The following NHS variants were observed in gnomAD, a reference collection of about 807,000 sequenced individuals.
NHS encodes the protein actin remodeling regulator NHS.
NHS carries 5 observed loss-of-function variants against 72.5 expected under a neutral mutation model. The ratio of observed to expected loss-of-function variants is 0.07; its 90% CI spans 0.04 to 0.14. The LOEUF is 0.14. NHS is among the 10% of genes least tolerant of loss of function. NHS has a pLI of 1.00. For synonymous variants in NHS, 464 were observed against 547.7 expected (o/e 0.85, Z 2.13); for missense variants, 1,072 against 1,355.7 (o/e 0.79, Z 3.29).
chrX:17,471,726 G>A (rs937394672), intron 1 of NHS, among the ~76,000 whole-genome samples: 3 of 112,182 alleles, frequency 2.7e-5, no homozygotes, highest in African/African-American at 6.5e-5. Flanking sequence ...AGTGAAATCC[G>A]TGTTAGAATA....
chrX:17,377,274 C>T (rs2064351769), intron 1 of NHS, among the ~76,000 whole-genome samples: 1 of 112,467 alleles, frequency 8.9e-6, no homozygotes, highest in Non-Finnish European at 1.9e-5. Context: ...TTTACGACAC[C>T]CAAGGGCTCC....
At chrX:17,632,588 G>A (rs1351960056) in intron 1 of NHS, among the ~76,000 whole-genome samples, 1 of 95,680 alleles carries the variant, frequency 1.0e-5, no homozygotes, top group African/African-American at 5.1e-5. Context: ...GGCTTCATCA[G>A]TGATTAAAAA....
rs1201975125 is a variant in NHS, at chrX:17,462,220, AGTACTAT to A, written c.565+85899_565+85905del. 4.5e-5 allele frequency among the ~76,000 whole-genome samples: 5 copies of A among 111,769 alleles called. No homozygotes were observed. In the East Asian group the frequency reaches 1.4e-3, roughly 32 times the overall value. ...GTTTACAGAGTGTAGGTACTATTTAAGTACTATATATATATTCATTTAAGCCATACAA... is the reference window on the plus strand; with the variant it reads ...GTTTACAGAGTGTAGGTACTATTTAAATATATATTCATTTAAGCCATACAA... On this transcript the variant is annotated intron_variant, in intron 1 of 8. Coordinates refer to ENST00000676302, the MANE Select transcript of NHS (RefSeq NM_001291867.2).
intron 1 of NHS, among the ~76,000 whole-genome samples, chrX:17,555,784 A>G (rs756931286): frequency 9.0e-6 from 1 of 110,797 alleles, no homozygotes; most frequent in East Asian, 2.9e-4. Flanking sequence ...TCCCTCCTCC[A>G]CCCACCCCCA....
At chrX:17,663,168 A>G (rs142347877) in intron 1 of NHS, among the ~76,000 whole-genome samples, 2,654 of 111,696 alleles carry the variant, frequency 0.024, 71 homozygotes, top group African/African-American at 0.077. Flanking sequence ...ATAATGACAC[A>G]ACACAGTAGC....
At chrX:17,574,841 C>T (rs764668052) in intron 1 of NHS, among the ~76,000 whole-genome samples, 24 of 111,534 alleles carry the variant, frequency 2.2e-4, no homozygotes, top group Non-Finnish European at 2.8e-4. Context: ...GAACCAACCT[C>T]CCTGTTCTAA....
At chrX:17,720,003 C>T (rs2066396548) in intron 4 of NHS, among the ~76,000 whole-genome samples, 1 of 111,442 alleles carries the variant, frequency 9.0e-6, no homozygotes, top group Non-Finnish European at 1.9e-5. Context: ...TCTCTGTATG[C>T]ACCAAACTTT....
chrX:17,537,543 C>G (rs766053374), intron 1 of NHS, among the ~76,000 whole-genome samples: 2 of 112,431 alleles, frequency 1.8e-5, no homozygotes, highest in African/African-American at 6.5e-5. Context: ...AGGTGAATTT[C>G]TGTAAAAGGA....
chrX:17,454,815 A>G (rs761684456), intron 1 of NHS, among the ~76,000 whole-genome samples: 6 of 112,105 alleles, frequency 5.4e-5, no homozygotes, highest in Non-Finnish European at 9.4e-5. Context: ...CTTCATGTCA[A>G]TTTCTTCTTG....
chrX:17,454,659 T>G (rs376307722), intron 1 of NHS, among the ~76,000 whole-genome samples: 11 of 112,415 alleles, frequency 9.8e-5, no homozygotes, highest in African/African-American at 2.9e-4. Flanking sequence ...CACTTCAGTT[T>G]ATTCATCTGT....
chrX:17,429,732 G>T (rs1286236441), intron 1 of NHS, among the ~76,000 whole-genome samples: 1 of 111,446 alleles, frequency 9.0e-6, no homozygotes, highest in African/African-American at 3.3e-5. Flanking sequence ...GTAAATTGTT[G>T]ACTCTGATCC....
chrX:17,724,200 C>T, intron 5 of NHS, 99 bp from the exon 6 acceptor site: 1 of 1,096,953 alleles, frequency 9.1e-7, no homozygotes. Flanking sequence ...TTAACCCAAA[C>T]TCTTTCCTTA....
At chrX:17,433,766 T>C (rs1425260588) in intron 1 of NHS, among the ~76,000 whole-genome samples, 1 of 111,740 alleles carries the variant, frequency 8.9e-6, no homozygotes, top group Non-Finnish European at 1.9e-5. Context: ...GAATATGGAG[T>C]GGTTCAAGGT....
chrX:17,461,614 A>G (rs1287072216), intron 1 of NHS, among the ~76,000 whole-genome samples: 2 of 112,954 alleles, frequency 1.8e-5, no homozygotes, highest in Non-Finnish European at 3.7e-5. Context: ...TACATGTTAG[A>G]CTCTACAAGG....
Position 17,687,779 on chromosome X carries a change from G to A in NHS, c.603G>A (p.Val201=), listed in dbSNP as rs1462166485. The A allele has an allele frequency of 8.3e-7, 1 of 1,211,803 alleles. No homozygotes were observed. ...TGGACATAGAGAGTAAGCTGAGTGTGTACTACCGCGCCCCGTGGCACCAGC... is the reference window on the plus strand; with the variant it reads ...TGGACATAGAGAGTAAGCTGAGTGTATACTACCGCGCCCCGTGGCACCAGC... The part of the protein sequence containing the change: ...SNLDIESKLS[V]YYRAPWHQQR... The change falls in exon 2 of 9, where the codon GTG becomes GTA. Residue 201 remains valine, a synonymous_variant. Coordinates refer to ENST00000676302, the MANE Select transcript of NHS (RefSeq NM_001291867.2).
chrX:17,381,793 A>G (rs949426518), intron 1 of NHS, among the ~76,000 whole-genome samples: 6 of 112,295 alleles, frequency 5.3e-5, no homozygotes, highest in Non-Finnish European at 9.4e-5. Flanking sequence ...GTTATTTGGT[A>G]TGTATCTAAA....
intron 1 of NHS, among the ~76,000 whole-genome samples, chrX:17,468,385 T>C: frequency 9.0e-6 from 1 of 110,542 alleles, no homozygotes; most frequent in Middle Eastern, 4.7e-3. Flanking sequence ...GTGTGGAAGT[T>C]GCTGTTTCCA....
At position 17,519,420 on chromosome X, in the gene NHS, A is replaced by C. The variant is rs752176200; in HGVS notation, c.565+143098A>C. On this transcript the variant is annotated intron_variant, in intron 1 of 8. Transcript: ENST00000676302. ...AAAAGAAAGAAATGTAACAATTTTG[A>C]AATGTGTCTTTCCATTGTTTTGCGG... is the stretch of plus-strand genomic sequence containing the variant. 2.3e-4 allele frequency among the ~76,000 whole-genome samples: 26 copies of C among 112,258 alleles called. No homozygotes were observed. The South Asian group carries it at 9.4e-3, about 40-fold the overall frequency.
intron 1 of NHS, among the ~76,000 whole-genome samples, chrX:17,580,674 GA>G (rs2065539086): frequency 9.0e-6 from 1 of 111,524 alleles, no homozygotes; most frequent in Admixed American, 9.5e-5. Flanking sequence ...GCTCCTGCAA[GA>G]TAGCCACTCC....
Sources: allele counts gnomAD v4.1 joint callset (sites outside exome capture counted in the v4.1 genomes callset), GRCh38; gene constraint gnomAD v4.1.1; transcripts MANE v1.5; gene names NCBI Gene and HGNC (gene_info 2026-07-23, HGNC 2026-07-21).